Variants in KIAA0319 observed in about 807,000 individuals in gnomAD.
KIAA0319 encodes the protein dyslexia-associated protein KIAA0319.
A neutral mutation model predicts 108.4 loss-of-function variants in KIAA0319; 83 were observed. The observed-to-expected ratio is 0.77, with a 90% CI of 0.64 to 0.92. KIAA0319 has a LOEUF of 0.92. Among genes scored for constraint, KIAA0319 ranks in the 40% least tolerant of loss-of-function variants. The pLI is 0.00. For synonymous variants in KIAA0319, 484 were observed against 510.4 expected (o/e 0.95, Z 0.70); for missense variants, 1,195 against 1,322.4 (o/e 0.90, Z 1.49).
At chr6:24,605,699 T>A (rs568003147) in intron 1 of KIAA0319, among the ~76,000 whole-genome samples, 11 of 152,164 alleles carry the variant, frequency 7.2e-5, no homozygotes, top group Non-Finnish European at 1.5e-4. Context: ...CATGTAAAGA[T>A]CTGAAAGGAA....
At chr6:24,563,920 G>A (rs1763461889) in intron 15 of KIAA0319, among the ~76,000 whole-genome samples, 1 of 152,106 alleles carries the variant, frequency 6.6e-6, no homozygotes, top group African/African-American at 2.4e-5. Flanking sequence ...CCTGGTATGA[G>A]GCCCTTGTGT....
At chr6:24,565,752 C>CAAAAAAAAAAA (rs71542686) in intron 14 of KIAA0319, among the ~76,000 whole-genome samples, 2 of 62,706 alleles carry the variant, frequency 3.2e-5, no homozygotes, top group African/African-American at 5.9e-5. Context: ...GACTCCATCT[C>CAAAAAAAAAAA]AAAAAAAAAA....
intron 1 of KIAA0319, among the ~76,000 whole-genome samples, chr6:24,633,303 G>A (rs556030671): frequency 4.6e-5 from 7 of 152,298 alleles, no homozygotes; most frequent in African/African-American, 1.7e-4. Context: ...CAATATGCAA[G>A]AGGACTTATG....
intron 15 of KIAA0319, 28 bp downstream of exon 15, chr6:24,564,174 T>A: frequency 6.2e-7 from 1 of 1,613,848 alleles, no homozygotes; most frequent in East Asian, 2.2e-5. Context: ...AGAGCCTGCA[T>A]GGCCAGCTCC....
chr6:24,629,853 C>T (rs1291680552), intron 1 of KIAA0319, among the ~76,000 whole-genome samples: 4 of 152,100 alleles, frequency 2.6e-5, no homozygotes, highest in African/African-American at 7.2e-5. Flanking sequence ...AGCACACTGT[C>T]TGAATGGAGG....
Position 24,599,082 on chromosome 6 carries a change from G to T in KIAA0319, c.55+1967C>A. ...GCAGTCCCAGATCTGGGACACATCT[G>T]TGGTGCTGTCCATGGACAACAGCTG... On this transcript the variant is annotated intron_variant, in intron 2 of 20. Transcript: ENST00000378214. The surrounding 1 kb of genome is among the most constrained non-coding windows in gnomAD (Gnocchi z 4.1). 1 of 729,412 alleles carries T rather than the reference G, an allele frequency of 1.4e-6. No individual in the cohort carries two copies. Among genetic ancestry groups the T allele is most frequent in the South Asian group, 1.5e-5 (1 of 65,250 alleles). 45.2% of individuals were successfully genotyped at this position (729,412 alleles called of 1,614,324 possible). A position where few individuals can be genotyped will look rare whatever the true frequency, so the allele number is the denominator to read the frequency against.
chr6:24,593,835 ATTATT>A (rs1408466026), intron 3 of KIAA0319, among the ~76,000 whole-genome samples: 1 of 152,138 alleles, frequency 6.6e-6, no homozygotes, highest in African/African-American at 2.4e-5. Flanking sequence ...AAGAGAGTAA[ATTATT>A]TTAATATTTA....
At chr6:24,557,886 G>A (rs922023226) in intron 17 of KIAA0319, among the ~76,000 whole-genome samples, 1 of 151,892 alleles carries the variant, frequency 6.6e-6, no homozygotes, top group African/African-American at 2.4e-5. Flanking sequence ...ATGTGCTACT[G>A]TTCCTGGCTC....
At chr6:24,549,010 G>C (rs1333456190) in intron 20 of KIAA0319, among the ~76,000 whole-genome samples, 1 of 152,068 alleles carries the variant, frequency 6.6e-6, no homozygotes, top group Non-Finnish European at 1.5e-5. Flanking sequence ...GATCGAATGG[G>C]ATTAGTGCTC....
intron 10 of KIAA0319, 146 bp from the exon 11 acceptor site, chr6:24,572,844 G>C: frequency 2.4e-6 from 2 of 825,402 alleles, no homozygotes; most frequent in Non-Finnish European, 3.6e-6. Context: ...GGCCAGGCAC[G>C]GTGGTTCACA....
intron 1 of KIAA0319, among the ~76,000 whole-genome samples, chr6:24,615,994 A>G (rs1185912161): frequency 6.6e-6 from 1 of 152,220 alleles, no homozygotes; most frequent in East Asian, 1.9e-4. Flanking sequence ...AGCAAGATGA[A>G]CATCTATCTT....
chr6:24,586,699 C>T (rs751720654), intron 4 of KIAA0319, among the ~76,000 whole-genome samples: 3 of 152,216 alleles, frequency 2.0e-5, no homozygotes, highest in Non-Finnish European at 2.9e-5. Flanking sequence ...GCATCTCCCA[C>T]GTATAGGTAA....
At chr6:24,616,491 G>A (rs1464640062) in intron 1 of KIAA0319, among the ~76,000 whole-genome samples, 1 of 152,116 alleles carries the variant, frequency 6.6e-6, no homozygotes, top group Non-Finnish European at 1.5e-5. Flanking sequence ...CCGAGTGGCT[G>A]GGACCATGCA....
chr6:24,604,555 A>G (rs1384425256), intron 1 of KIAA0319, among the ~76,000 whole-genome samples: 1 of 152,192 alleles, frequency 6.6e-6, no homozygotes, highest in East Asian at 1.9e-4. Context: ...TCCCAATCCC[A>G]TGCCCCTTTG....
At position 24,582,210 on chromosome 6, in the gene KIAA0319, C is replaced by T. The variant is rs185233708; in HGVS notation, c.1191+39G>A. On this transcript the variant is annotated intron_variant, in intron 6 of 20. Coordinates refer to ENST00000378214, the MANE Select transcript of KIAA0319 (RefSeq NM_014809.4). ...GTATTAACTGAGCTCTATGCCGTTA[C>T]GCTGTGCTGTTAGACACAACCAGTC... 160 of 1,133,484 alleles carry T rather than the reference C, an allele frequency of 1.4e-4. 1 individual carries two copies. The East Asian group carries it at 1.8e-3, about 13-fold the overall frequency. 70.2% of individuals were successfully genotyped at this position (1,133,484 alleles called of 1,614,324 possible). A position where few individuals can be genotyped will look rare whatever the true frequency, so the allele number is the denominator to read the frequency against.
intron 17 of KIAA0319, among the ~76,000 whole-genome samples, chr6:24,557,024 G>A (rs780352078): frequency 6.6e-6 from 1 of 152,166 alleles, no homozygotes; most frequent in South Asian, 2.1e-4. Flanking sequence ...GACCAACATG[G>A]TGAAACCCCA....
chr6:24,558,863 C>T, intron 17 of KIAA0319, 150 bp downstream of exon 17: 1 of 754,406 alleles, frequency 1.3e-6, no homozygotes, highest in Non-Finnish European at 2.1e-6. Flanking sequence ...CAAATGCATG[C>T]TGCAGGAAAC....
At position 24,621,385 on chromosome 6, in the gene KIAA0319, G is replaced by C. The variant is rs1016932147; in HGVS notation, c.-105-20177C>G. ...CAAGCCCCCAAGTGTTCATTAAAAAGAGAATTGAGCTCTCTAAAGAGGCAG... is the reference window on the plus strand; with the variant it reads ...CAAGCCCCCAAGTGTTCATTAAAAACAGAATTGAGCTCTCTAAAGAGGCAG... On this transcript the variant is annotated intron_variant, in intron 1 of 20. Coordinates refer to ENST00000378214, the MANE Select transcript of KIAA0319 (RefSeq NM_014809.4). 3.3e-4 allele frequency among the ~76,000 whole-genome samples: 50 copies of C among 152,128 alleles called. 1 individual carries two copies. Among genetic ancestry groups the C allele is most frequent in the Non-Finnish European group, 1.2e-4 (8 of 68,028 alleles).
chr6:24,627,304 A>G (rs1041521347), intron 1 of KIAA0319, among the ~76,000 whole-genome samples: 4 of 152,158 alleles, frequency 2.6e-5, no homozygotes, highest in Non-Finnish European at 4.4e-5. Context: ...TGATGTTACA[A>G]TTAGAGATCA....
Sources: gnomAD v4.1 joint callset for allele counts (sites outside exome capture counted in the v4.1 genomes callset) on GRCh38, gnomAD v4.1.1 for gene constraint, Gnocchi (gnomAD v3.1) non-coding constraint, MANE v1.5 for transcripts, NCBI Gene and HGNC (gene_info 2026-07-23, HGNC 2026-07-21) for gene names.